The following TRPC4 variants were observed in gnomAD, a reference collection of about 807,000 sequenced individuals.
The protein encoded by TRPC4 is short transient receptor potential channel 4.
In TRPC4, 49 loss-of-function variants were observed where a neutral mutation model predicts 99.4. The observed-to-expected ratio is 0.49, with a 90% CI of 0.39 to 0.63. The LOEUF (loss-of-function observed/expected upper bound fraction) is 0.63, where lower values mean the gene tolerates loss of function less well. Among genes scored for constraint, TRPC4 ranks in the 20% least tolerant of loss-of-function variants. The pLI, the probability that TRPC4 is intolerant of heterozygous loss-of-function variation, is 0.00. For synonymous variants in TRPC4, 454 were observed against 425.9 expected, an observed-to-expected ratio of 1.07 and a Z score of -0.81; for missense variants, 898 against 1,152.9, an observed-to-expected ratio of 0.78 and a Z score of 3.20.
intron 1 of TRPC4, among the ~76,000 whole-genome samples, chr13:37,827,073 G>A (rs1424320640): frequency 1.3e-5 from 2 of 151,960 alleles, no homozygotes; most frequent in African/African-American, 4.8e-5. Flanking sequence ...ATCGGCTCCT[G>A]AGGCTTCTGC....
chr13:37,794,193 T>C (rs1006027822), intron 1 of TRPC4, among the ~76,000 whole-genome samples: 14 of 111,300 alleles, frequency 1.3e-4, no homozygotes, highest in Non-Finnish European at 2.5e-4. Context: ...AGGTTACATA[T>C]GGGTAATTGG....
chr13:37,816,438 C>T (rs1349292520), intron 1 of TRPC4, among the ~76,000 whole-genome samples: 3 of 151,812 alleles, frequency 2.0e-5, no homozygotes, highest in African/African-American at 7.2e-5. Flanking sequence ...GATATACATT[C>T]TTCTCATCGT....
intron 1 of TRPC4, among the ~76,000 whole-genome samples, chr13:37,800,494 T>G (rs1957372751): frequency 6.6e-6 from 1 of 152,190 alleles, no homozygotes; most frequent in African/African-American, 2.4e-5. Context: ...AATAATCTAC[T>G]CCCATAGTAT....
chr13:37,835,678 A>G (rs183049214), intron 1 of TRPC4, among the ~76,000 whole-genome samples: 2 of 152,320 alleles, frequency 1.3e-5, no homozygotes, highest in East Asian at 3.9e-4. Flanking sequence ...AGTAGCCAAA[A>G]AAAGAGGAAG....
At chr13:37,762,120 C>T (rs912456228) in intron 2 of TRPC4, among the ~76,000 whole-genome samples, 6 of 151,828 alleles carry the variant, frequency 4.0e-5, no homozygotes, top group African/African-American at 1.2e-4. Context: ...GTTATTATCA[C>T]TAACTCTTAG....
At position 37,827,942 on chromosome 13, in the gene TRPC4, C is replaced by T. The variant is rs555937837; in HGVS notation, c.-28+41653G>A. Reference sequence around the variant, plus strand: ...CAGCGAGACTCCATGGGCGTAGGACCCTCCGAGCCAGGTGCGGGATATAAT... The same window carrying T: ...CAGCGAGACTCCATGGGCGTAGGACTCTCCGAGCCAGGTGCGGGATATAAT... On this transcript the variant is annotated intron_variant, in intron 1 of 10. Transcript: ENST00000379705. 4.9e-3 allele frequency among the ~76,000 whole-genome samples: 749 copies of T among 152,296 alleles called. 3 individuals carry two copies. The highest frequency in any genetic ancestry group is 7.6e-3 in the Non-Finnish European group (516 of 68,028).
rs538233607 is a variant in TRPC4, at chr13:37,663,246, C to T, written c.1688+170G>A. On this transcript the variant is annotated intron_variant, in intron 6 of 10. Transcript: ENST00000379705. ...ATGTGTCAGGTATTCTTTTTCCTGT[C>T]GGAAGTTTTCATTTCTATTCAAAGC... Among the ~76,000 whole-genome samples, 229 of 152,198 alleles carry T rather than the reference C, an allele frequency of 1.5e-3. No homozygotes were observed. In the Middle Eastern group the frequency reaches 0.017, roughly 11 times the overall value.
At chr13:37,659,147 G>A (rs1267624363) in intron 6 of TRPC4, among the ~76,000 whole-genome samples, 1 of 152,162 alleles carries the variant, frequency 6.6e-6, no homozygotes, top group Admixed American at 6.5e-5. Context: ...AATCCCTGAT[G>A]TTGAAAGTGG....
chr13:37,773,731 G>T (rs137884960), intron 2 of TRPC4, among the ~76,000 whole-genome samples: 50 of 151,880 alleles, frequency 3.3e-4, no homozygotes, highest in African/African-American at 1.1e-3. Context: ...TTAAGAGAAT[G>T]CTTGATAAAT....
At chr13:37,844,285 CTT>C (rs1272055306) in intron 1 of TRPC4, among the ~76,000 whole-genome samples, 2 of 147,300 alleles carry the variant, frequency 1.4e-5, no homozygotes, top group Admixed American at 6.8e-5. Flanking sequence ...ACAGGTCTTT[CTT>C]TTTTTTTTTC....
intron 1 of TRPC4, among the ~76,000 whole-genome samples, chr13:37,789,741 C>A (rs921016389): frequency 2.0e-5 from 3 of 151,260 alleles, no homozygotes; most frequent in African/African-American, 7.3e-5. Context: ...AAGCTTTTGG[C>A]AGCTGTATGA....
intron 1 of TRPC4, among the ~76,000 whole-genome samples, chr13:37,860,322 G>A (rs1959229178): frequency 6.6e-6 from 1 of 151,158 alleles, no homozygotes; most frequent in South Asian, 2.1e-4. Flanking sequence ...TCATTTTAGT[G>A]TAAAACACTC....
intron 1 of TRPC4, among the ~76,000 whole-genome samples, chr13:37,795,119 G>A (rs1322201097): frequency 4.6e-5 from 7 of 151,974 alleles, no homozygotes; most frequent in African/African-American, 1.7e-4. Flanking sequence ...AAACACATAT[G>A]TTCAATTAAG....
chr13:37,672,574 T>C (rs1477069267), intron 5 of TRPC4, among the ~76,000 whole-genome samples: 2 of 152,212 alleles, frequency 1.3e-5, no homozygotes, highest in African/African-American at 2.4e-5. Flanking sequence ...TATTGTGATA[T>C]AATCCCAGAA....
In TRPC4 at chr13:37,643,628, A is replaced by G. The variant is rs760914480; in HGVS notation, c.2080-4329T>C. On this transcript the variant is annotated intron_variant, in intron 8 of 10. Transcript: ENST00000379705. ...GAGGCACATTATGGAGACTTCTGGC[A>G]GGATAGTTGCAAAGTCTTTGCTACT... Among the ~76,000 whole-genome samples, 91 of 152,202 alleles carry G rather than the reference A, an allele frequency of 6.0e-4. 1 individual carries two copies. Among genetic ancestry groups the G allele is most frequent in the Non-Finnish European group, 1.2e-3 (82 of 68,024 alleles).
chr13:37,817,179 G>A (rs1348061521), intron 1 of TRPC4, among the ~76,000 whole-genome samples: 5 of 152,038 alleles, frequency 3.3e-5, no homozygotes, highest in African/African-American at 1.2e-4. Flanking sequence ...CAAAGTCTCA[G>A]GATACAAAAT....
In TRPC4 at chr13:37,652,930, A is replaced by G. The variant is rs17056379; in HGVS notation, c.1885-1471T>C. ...TATGGTGCTTAGAAAATCTGGAGAT[A>G]AAAAGCTCTAAGCTGGTGATGACTA... On this transcript the variant is annotated intron_variant, in intron 7 of 10. Transcript: ENST00000379705. Among the ~76,000 whole-genome samples the G allele has an allele frequency of 3.8e-3, 572 of 152,242 alleles. 2 individuals carry two copies. Among genetic ancestry groups the G allele is most frequent in the African/African-American group, 0.013 (553 of 41,544 alleles).
intron 2 of TRPC4, among the ~76,000 whole-genome samples, chr13:37,752,582 T>G (rs1490641468): frequency 6.6e-6 from 1 of 151,748 alleles, no homozygotes; most frequent in Non-Finnish European, 1.5e-5. Flanking sequence ...AAAATACCAC[T>G]TCTGCCCCCC....
intron 1 of TRPC4, among the ~76,000 whole-genome samples, chr13:37,866,631 T>C (rs1959762867): frequency 6.6e-6 from 1 of 151,838 alleles, no homozygotes; most frequent in Non-Finnish European, 1.5e-5. Context: ...TCTATATTTG[T>C]GCTGATTAAA....
Sources: gnomAD v4.1 joint callset for allele counts (sites outside exome capture counted in the v4.1 genomes callset) on GRCh38, gnomAD v4.1.1 for gene constraint, MANE v1.5 for transcripts, NCBI Gene and HGNC (gene_info 2026-07-23, HGNC 2026-07-21) for gene names.